Variants in SLC2A13 observed in about 807,000 individuals in gnomAD.
The protein encoded by SLC2A13 is solute carrier family 2 member 13, also known as proton myo-inositol cotransporter.
A neutral mutation model predicts 64.4 loss-of-function variants in SLC2A13; 32 were observed. The ratio of observed to expected loss-of-function variants is 0.50; its 90% CI spans 0.37 to 0.67. The LOEUF (loss-of-function observed/expected upper bound fraction) is 0.67, where lower values mean the gene tolerates loss of function less well. Among genes scored for constraint, SLC2A13 ranks in the 30% least tolerant of loss-of-function variants. The pLI, the probability that SLC2A13 is intolerant of heterozygous loss-of-function variation, is 0.00. For synonymous variants in SLC2A13, 338 were observed against 327.1 expected (o/e 1.03, Z -0.36); for missense variants, 743 against 829.2 (o/e 0.90, Z 1.28).
intron 1 of SLC2A13, among the ~76,000 whole-genome samples, chr12:40,090,088 T>A (rs1317687840): frequency 1.3e-5 from 2 of 152,214 alleles, no homozygotes; most frequent in African/African-American, 4.8e-5. Flanking sequence ...TTCAAATATA[T>A]TCAATGAAAG....
At chr12:40,012,323 A>G (rs1176045735) in intron 3 of SLC2A13, among the ~76,000 whole-genome samples, 1 of 152,198 alleles carries the variant, frequency 6.6e-6, no homozygotes, top group Admixed American at 6.5e-5. Flanking sequence ...TTTGAATGCT[A>G]GAGAAGATAT....
At chr12:40,063,857 T>C (rs1011748571) in intron 1 of SLC2A13, among the ~76,000 whole-genome samples, 2 of 152,196 alleles carry the variant, frequency 1.3e-5, no homozygotes, top group Non-Finnish European at 2.9e-5. Context: ...AAACATCAGT[T>C]CTTACACAAA....
intron 4 of SLC2A13, among the ~76,000 whole-genome samples, chr12:39,937,752 T>C (rs192323112): frequency 6.6e-6 from 1 of 152,282 alleles, no homozygotes; most frequent in Non-Finnish European, 1.5e-5. Flanking sequence ...TTTGACAATC[T>C]TTTGATGTAA....
At chr12:40,029,208 C>T (rs1947868907) in intron 2 of SLC2A13, among the ~76,000 whole-genome samples, 1 of 152,122 alleles carries the variant, frequency 6.6e-6, no homozygotes, top group Non-Finnish European at 1.5e-5. Context: ...ATCATTTTAA[C>T]TCCCTCCAAG....
At chr12:40,070,876 T>C (rs556357396) in intron 1 of SLC2A13, among the ~76,000 whole-genome samples, 2 of 152,284 alleles carry the variant, frequency 1.3e-5, no homozygotes, top group Admixed American at 6.5e-5. Flanking sequence ...TCCAAGTCAT[T>C]ATCTCATTTG....
intron 4 of SLC2A13, among the ~76,000 whole-genome samples, chr12:39,884,652 G>A (rs935620687): frequency 6.6e-6 from 1 of 152,116 alleles, no homozygotes; most frequent in Non-Finnish European, 1.5e-5. Context: ...CACTGAGGGT[G>A]ACCGCCATAC....
chr12:39,962,869 G>A lies in SLC2A13; in HGVS notation c.926-11504C>T, dbSNP rs530172569. ...GGTTCCTTACCTTCCCTGAGCTCCAGGTGTTTTCATAATTAAAGGTGGAAA... is the reference window on the plus strand; with the variant it reads ...GGTTCCTTACCTTCCCTGAGCTCCAAGTGTTTTCATAATTAAAGGTGGAAA... On this transcript the variant is annotated intron_variant, in intron 3 of 9. Transcript: ENST00000280871. Among the ~76,000 whole-genome samples the A allele has an allele frequency of 1.6e-4, 25 of 152,088 alleles. No individual in the cohort carries two copies. In the South Asian group the frequency reaches 4.2e-3, roughly 25 times the overall value.
At chr12:40,098,055 A>G (rs1284392342) in intron 1 of SLC2A13, among the ~76,000 whole-genome samples, 9 of 151,052 alleles carry the variant, frequency 6.0e-5, no homozygotes, top group African/African-American at 2.2e-4. Flanking sequence ...ATGTGTATAT[A>G]TGTATATATG....
intron 4 of SLC2A13, among the ~76,000 whole-genome samples, chr12:39,935,921 T>C (rs1245262418): frequency 6.6e-6 from 1 of 152,182 alleles, no homozygotes; most frequent in Non-Finnish European, 1.5e-5. Context: ...TCCAGATCAC[T>C]GATGCCCTGA....
At chr12:39,850,689 T>C (rs771697958) in intron 6 of SLC2A13, among the ~76,000 whole-genome samples, 2 of 152,186 alleles carry the variant, frequency 1.3e-5, no homozygotes, top group Admixed American at 6.5e-5. Flanking sequence ...GTAAAACATA[T>C]ATGAATAAGG....
At chr12:39,860,205 C>T (rs1283291079) in intron 6 of SLC2A13, among the ~76,000 whole-genome samples, 1 of 152,094 alleles carries the variant, frequency 6.6e-6, no homozygotes, top group East Asian at 1.9e-4. Flanking sequence ...ATTTGGACCT[C>T]AGTAAGGAAA....
intron 3 of SLC2A13, among the ~76,000 whole-genome samples, chr12:39,971,758 T>C (rs1405630859): frequency 6.6e-6 from 1 of 151,930 alleles, no homozygotes; most frequent in African/African-American, 2.4e-5. Context: ...GCAGATCACC[T>C]GAGGTCAGGA....
At chr12:39,972,370 T>C (rs1240365452) in intron 3 of SLC2A13, among the ~76,000 whole-genome samples, 1 of 152,140 alleles carries the variant, frequency 6.6e-6, no homozygotes, top group Non-Finnish European at 1.5e-5. Context: ...TTAATTAACA[T>C]GACTCATCCA....
intron 3 of SLC2A13, among the ~76,000 whole-genome samples, chr12:40,018,968 G>T (rs79980650): frequency 2.0e-5 from 3 of 152,244 alleles, no homozygotes; most frequent in African/African-American, 7.2e-5. Flanking sequence ...GATTGTAAAG[G>T]AAGTTTAATA....
At chr12:39,776,051 G>T (rs1940763999) in intron 7 of SLC2A13, among the ~76,000 whole-genome samples, 1 of 152,174 alleles carries the variant, frequency 6.6e-6, no homozygotes, top group Non-Finnish European at 1.5e-5. Context: ...GAAGATGGGA[G>T]AAAGTTTAGT....
chr12:39,952,032 C>T (rs1040627655), intron 3 of SLC2A13, among the ~76,000 whole-genome samples: 1 of 151,916 alleles, frequency 6.6e-6, no homozygotes, highest in Non-Finnish European at 1.5e-5. Flanking sequence ...AAGAGGCAAT[C>T]AATGATTATT....
At chr12:39,866,539 C>T (rs992088621) in intron 5 of SLC2A13, among the ~76,000 whole-genome samples, 19 of 151,780 alleles carry the variant, frequency 1.3e-4, no homozygotes, top group Admixed American at 2.0e-4. Context: ...AGTGCAGTGG[C>T]GCGATCTCGG....
intron 4 of SLC2A13, among the ~76,000 whole-genome samples, chr12:39,905,822 G>GGAAA (rs71449497): frequency 6.9e-6 from 1 of 145,430 alleles, no homozygotes; most frequent in South Asian, 2.2e-4. Flanking sequence ...AAAATGCCCA[G>GGAAA]AAAAAAAAAA....
chr12:40,087,349 A>G (rs1938618045), intron 1 of SLC2A13, among the ~76,000 whole-genome samples: 1 of 152,094 alleles, frequency 6.6e-6, no homozygotes, highest in African/African-American at 2.4e-5. Context: ...TTTCTCTTCC[A>G]GTCTATACCC....
Sources: gnomAD v4.1 joint callset for allele counts (sites outside exome capture counted in the v4.1 genomes callset) on GRCh38, gnomAD v4.1.1 for gene constraint, MANE v1.5 for transcripts, NCBI Gene and HGNC (gene_info 2026-07-23, HGNC 2026-07-21) for gene names.